Variants in TRAK1 observed in about 807,000 individuals in gnomAD.
The protein encoded by TRAK1 is trafficking kinesin protein 1.
A neutral mutation model predicts 92.1 loss-of-function variants in TRAK1; 33 were observed. That is an observed-to-expected ratio of 0.36 (90% CI 0.27 to 0.48). TRAK1 has a LOEUF of 0.48. Ranked by LOEUF, TRAK1 falls within the 20% of genes least tolerant of loss-of-function variation. The pLI, the probability that TRAK1 is intolerant of heterozygous loss-of-function variation, is 0.99. For missense variants in TRAK1, 1,123 were observed against 1,257.9 expected, an observed-to-expected ratio of 0.89 and a Z score of 1.62; for synonymous variants, 521 against 517.3, an observed-to-expected ratio of 1.01 and a Z score of -0.10.
At chr3:42,171,704 G>A (rs985287676) in intron 2 of TRAK1, among the ~76,000 whole-genome samples, 1 of 152,066 alleles carries the variant, frequency 6.6e-6, no homozygotes, top group South Asian at 2.1e-4. Flanking sequence ...TTCCCATGGG[G>A]TTTTCCTCGG....
intron 1 of TRAK1, among the ~76,000 whole-genome samples, chr3:42,078,252 T>G (rs955831766): frequency 6.6e-6 from 1 of 152,152 alleles, no homozygotes; most frequent in Non-Finnish European, 1.5e-5. Flanking sequence ...GAGGCAAATC[T>G]AAACTCATCC....
intron 1 of TRAK1, among the ~76,000 whole-genome samples, chr3:42,118,008 C>T (rs563276338): frequency 1.7e-4 from 26 of 151,946 alleles, no homozygotes; most frequent in African/African-American, 5.5e-4. Context: ...TTAGTAGAGA[C>T]GGGGTTTCAC....
At chr3:42,178,693 G>T (rs1703557039) in intron 3 of TRAK1, among the ~76,000 whole-genome samples, 1 of 152,098 alleles carries the variant, frequency 6.6e-6, no homozygotes, top group South Asian at 2.1e-4. Flanking sequence ...AGTCCTCCTG[G>T]CCTGGTGCAG....
chr3:42,215,325 C>T (rs1709551491), intron 14 of TRAK1, among the ~76,000 whole-genome samples: 1 of 152,200 alleles, frequency 6.6e-6, no homozygotes, highest in Admixed American at 6.5e-5. Flanking sequence ...CTTTCCACCC[C>T]TCAAGCAAAA....
At chr3:42,170,622 A>G (rs1348751815) in intron 2 of TRAK1, among the ~76,000 whole-genome samples, 52 of 152,204 alleles carry the variant, frequency 3.4e-4, no homozygotes, top group Admixed American at 3.4e-3. Context: ...TGCAGTTTTT[A>G]TAATGAAAAT....
upstream of TRAK1, chr3:42,087,441 G>A (rs1704733689): frequency 1.3e-5 from 2 of 152,880 alleles, no homozygotes; most frequent in South Asian, 4.1e-4. Context: ...AGGGAGGGAG[G>A]TTTCAGTCAC....
At chr3:42,163,571 GA>G (rs527410797) in intron 2 of TRAK1, among the ~76,000 whole-genome samples, 8,679 of 113,936 alleles carry the variant, frequency 0.076, 769 homozygotes, top group African/African-American at 0.24. Context: ...CCATCTCAAA[GA>G]AAAAAAAAAA....
intron 9 of TRAK1, 131 bp downstream of exon 9, chr3:42,194,029 G>T: frequency 1.1e-6 from 1 of 894,894 alleles, no homozygotes; most frequent in Non-Finnish European, 1.7e-6. Flanking sequence ...TTTTATTCGT[G>T]GGAGAGTAAA....
intron 2 of TRAK1, among the ~76,000 whole-genome samples, chr3:42,173,061 G>A (rs1174123348): frequency 3.3e-5 from 5 of 152,034 alleles, no homozygotes; most frequent in Non-Finnish European, 2.9e-5. Flanking sequence ...TGGGAGAATC[G>A]CTTGAACCAG....
intron 1 of TRAK1, among the ~76,000 whole-genome samples, chr3:42,064,407 C>G (rs1703586214): frequency 6.6e-6 from 1 of 151,616 alleles, no homozygotes; most frequent in South Asian, 2.1e-4. Flanking sequence ...CTCTTACAGT[C>G]TGATGTCAAT....
intron 2 of TRAK1, chr3:42,151,272 T>C (rs1699916136): frequency 4.5e-6 from 2 of 447,890 alleles, no homozygotes; most frequent in Non-Finnish European, 8.9e-6. Context: ...CCATGGTCAA[T>C]CTGGAGGGTG....
Position 42,124,676 on chromosome 3 carries a change from A to G in TRAK1, c.92-744A>G, listed in dbSNP as rs576142881. On this transcript the variant is annotated intron_variant, in intron 1 of 15. Coordinates refer to ENST00000327628, the MANE Select transcript of TRAK1 (RefSeq NM_001042646.3). ...GCCCTCTCCCAACAAGATGAATCAGACACTGAAATACCCACAAGACACTTA... is the reference window on the plus strand; with the variant it reads ...GCCCTCTCCCAACAAGATGAATCAGGCACTGAAATACCCACAAGACACTTA... Among the ~76,000 whole-genome samples the G allele has an allele frequency of 2.6e-5, 4 of 152,340 alleles. No homozygotes were observed. The Middle Eastern group carries it at 0.01, about 389-fold the overall frequency.
At position 42,176,796 on chromosome 3, in the gene TRAK1, CATT is replaced by C; in HGVS notation, c.287-17_287-15del. 1 of 1,610,816 alleles carries C rather than the reference CATT, an allele frequency of 6.2e-7. No homozygotes were observed. Among genetic ancestry groups the C allele is most frequent in the Non-Finnish European group, 8.5e-7 (1 of 1,177,342 alleles). ...TTTGTGACATTGGGAGTCTCATTGT[CATT>C]TTTATTTCTTACAGTTTTATGTGCT... On this transcript the variant is annotated splice_polypyrimidine_tract_variant and intron_variant, in intron 2 of 15. Transcript: ENST00000327628.
intron 14 of TRAK1, among the ~76,000 whole-genome samples, chr3:42,215,188 G>A (rs1454274575): frequency 5.9e-5 from 9 of 152,168 alleles, no homozygotes; most frequent in Admixed American, 4.6e-4. Context: ...AGTCTTTAGA[G>A]CATCTTCCAT....
chr3:42,070,127 A>G (rs1703855587), intron 1 of TRAK1, among the ~76,000 whole-genome samples: 1 of 151,956 alleles, frequency 6.6e-6, no homozygotes, highest in Non-Finnish European at 1.5e-5. Context: ...CCGGGATTAC[A>G]GGTTTAATCC....
intron 1 of TRAK1, among the ~76,000 whole-genome samples, chr3:42,028,417 C>G (rs1249693853): frequency 6.6e-6 from 1 of 152,148 alleles, no homozygotes. Context: ...GGGCCAGGCA[C>G]TGAGTTATGA....
rs907385845 is a variant in TRAK1, at chr3:42,063,272, A to C, written c.-518-23832A>C. Reference sequence around the variant, plus strand: ...AGTTATTATTTTCCGCTTCGCGGGAAAAGTTTGCCAAGCCCTGCCCTAAGC... The same window carrying C: ...AGTTATTATTTTCCGCTTCGCGGGACAAGTTTGCCAAGCCCTGCCCTAAGC... On this transcript the variant is annotated intron_variant, in intron 1 of 16. Coordinates refer to the TRAK1 transcript ENST00000487159. Among the ~76,000 whole-genome samples, 8 of 152,370 alleles carry C rather than the reference A, an allele frequency of 5.3e-5. No individual in the cohort carries two copies. The South Asian group carries it at 1.7e-3, about 32-fold the overall frequency.
At chr3:42,138,051 G>A (rs1490608735) in intron 2 of TRAK1, among the ~76,000 whole-genome samples, 1 of 152,080 alleles carries the variant, frequency 6.6e-6, no homozygotes, top group East Asian at 1.9e-4. Context: ...TTGCAAAATA[G>A]GCATTAAGAG....
chr3:42,199,556 A>G (rs561310383), intron 11 of TRAK1, among the ~76,000 whole-genome samples: 1 of 152,326 alleles, frequency 6.6e-6, no homozygotes, highest in Admixed American at 6.5e-5. Flanking sequence ...CCTAGGCTCA[A>G]GTAATACTGC....
Sources: gnomAD v4.1 joint callset for allele counts (sites outside exome capture counted in the v4.1 genomes callset) on GRCh38, gnomAD v4.1.1 for gene constraint, MANE v1.5 for transcripts, NCBI Gene and HGNC (gene_info 2026-07-23, HGNC 2026-07-21) for gene names.